LPAR1: variants seen among roughly 807,000 people sequenced by gnomAD.
LPAR1 encodes the protein lysophosphatidic acid receptor 1.
Under a neutral mutation model 23.8 loss-of-function variants are expected in LPAR1, and 5 were observed. That is an observed-to-expected ratio of 0.21 (90% confidence interval 0.11 to 0.44). LPAR1 has a LOEUF of 0.44. Among genes scored for constraint, LPAR1 ranks in the 20% least tolerant of loss-of-function variants. The pLI, the probability that LPAR1 is intolerant of heterozygous loss-of-function variation, is 0.99. For synonymous variants in LPAR1, 160 were observed against 164.7 expected, an observed-to-expected ratio of 0.97 and a Z score of 0.22; for missense variants, 311 against 482.8, an observed-to-expected ratio of 0.64 and a Z score of 3.33.
At chr9:110,936,940 C>T (rs923964370) in intron 5 of LPAR1, among the ~76,000 whole-genome samples, 1 of 152,146 alleles carries the variant, frequency 6.6e-6, no homozygotes, top group Non-Finnish European at 1.5e-5. Context: ...GCCACTCTGA[C>T]TCAATAGTGG....
intron 4 of LPAR1, among the ~76,000 whole-genome samples, chr9:110,968,024 C>T (rs1030707005): frequency 2.0e-5 from 3 of 152,114 alleles, no homozygotes; most frequent in African/African-American, 7.2e-5. Flanking sequence ...ATGCAACTAC[C>T]CTGGTTAAGG....
Position 110,875,527 on chromosome 9 carries a change from C to A in LPAR1, c.989G>T (p.Arg330Leu). Residue 330 changes from arginine to leucine, a missense_variant, in exon 6 of 6, where the codon CGC becomes CTC. This residue lies in a region of LPAR1 where 250 missense variants were observed against 427.2 expected (regional missense o/e 0.59). Coordinates refer to ENST00000683809, the MANE Select transcript of LPAR1 (RefSeq NM_001351411.2). ...TGTGGGGCCGGTGGGGTTCTCACTGCGCTGGCAGCAGAGGATCTGCCTAAA... is the reference window on the plus strand; with the variant it reads ...TGTGGGGCCGGTGGGGTTCTCACTGAGCTGGCAGCAGAGGATCTGCCTAAA... ...ATFRQILCCQ[R>L]SENPTGPTEG... 3 of 1,614,090 alleles carry A rather than the reference C, an allele frequency of 1.9e-6. No homozygotes were observed. Among genetic ancestry groups the A allele is most frequent in the Non-Finnish European group, 2.5e-6 (3 of 1,179,996 alleles).
chr9:110,880,332 C>T (rs186554019), intron 5 of LPAR1, among the ~76,000 whole-genome samples: 3 of 152,250 alleles, frequency 2.0e-5, no homozygotes, highest in East Asian at 3.9e-4. Flanking sequence ...AGCTGCAGAT[C>T]GAGATCATAT....
chr9:110,902,166 C>T (rs938486407), intron 5 of LPAR1, among the ~76,000 whole-genome samples: 3 of 151,998 alleles, frequency 2.0e-5, no homozygotes, highest in Admixed American at 6.6e-5. Flanking sequence ...GTAGCCAGCC[C>T]AAATAGGCTC....
intron 4 of LPAR1, among the ~76,000 whole-genome samples, chr9:110,952,659 G>A (rs1209988827): frequency 1.3e-5 from 2 of 152,146 alleles, no homozygotes; most frequent in African/African-American, 4.8e-5. Context: ...GCTGAAGCAT[G>A]TGCTCTCCAA....
At chr9:110,977,821 CGGGAGGGAGGGA>C (rs1339454172) in intron 2 of LPAR1, among the ~76,000 whole-genome samples, 1 of 90,458 alleles carries the variant, frequency 1.1e-5, no homozygotes, top group Admixed American at 1.1e-4. Flanking sequence ...GGAGGGAGGG[CGGGAGGGAGGGA>C]GGGAAGGAAG....
chr9:111,009,967 A>G (rs1333420904), intron 2 of LPAR1, among the ~76,000 whole-genome samples: 2 of 138,518 alleles, frequency 1.4e-5, no homozygotes, highest in African/African-American at 5.2e-5. Context: ...TACACTTTAC[A>G]TATTTTCATT....
chr9:110,972,314 A>C, intron 3 of LPAR1, 94 bp from the exon 4 acceptor site: 1 of 575,200 alleles, frequency 1.7e-6, no homozygotes, highest in Non-Finnish European at 3.1e-6. Context: ...ATCCCTAGAC[A>C]TCAAGTGTCA....
chr9:110,999,195 A>G (rs1024301709), intron 2 of LPAR1, among the ~76,000 whole-genome samples: 4 of 152,332 alleles, frequency 2.6e-5, no homozygotes, highest in African/African-American at 7.2e-5. Flanking sequence ...CAGTCAAAAT[A>G]CAAATGAAGA....
intron 2 of LPAR1, among the ~76,000 whole-genome samples, chr9:111,015,737 T>C (rs1344633586): frequency 1.3e-5 from 2 of 152,092 alleles, no homozygotes; most frequent in Non-Finnish European, 2.9e-5. Context: ...TATAGGTCAG[T>C]GAAATGGAGG....
intron 2 of LPAR1, among the ~76,000 whole-genome samples, chr9:110,993,197 C>A (rs1388837912): frequency 6.6e-6 from 1 of 151,944 alleles, no homozygotes; most frequent in Non-Finnish European, 1.5e-5. Flanking sequence ...CATAGGTATA[C>A]ATGTGCTATG....
chr9:110,979,300 TAA>T (rs896498214), intron 2 of LPAR1, among the ~76,000 whole-genome samples: 2 of 142,032 alleles, frequency 1.4e-5, no homozygotes. Flanking sequence ...AATGTAGAGT[TAA>T]AAAAAAAAAA....
At chr9:110,911,123 C>T (rs922424023) in intron 5 of LPAR1, among the ~76,000 whole-genome samples, 5 of 152,130 alleles carry the variant, frequency 3.3e-5, no homozygotes, top group Non-Finnish European at 1.5e-5. Flanking sequence ...AAGGAAGAAT[C>T]GATCAACGTG....
intron 2 of LPAR1, among the ~76,000 whole-genome samples, chr9:110,990,674 T>A (rs181635387): frequency 6.6e-6 from 1 of 152,102 alleles, no homozygotes; most frequent in Non-Finnish European, 1.5e-5. Context: ...AATGACCTCA[T>A]CTTTTACCAT....
chr9:110,899,487 G>A (rs2087829734), intron 5 of LPAR1, among the ~76,000 whole-genome samples: 1 of 152,136 alleles, frequency 6.6e-6, no homozygotes, highest in Non-Finnish European at 1.5e-5. Context: ...AACTGAAGCT[G>A]GGAAGAAAGG....
chr9:110,915,611 A>T (rs536220282), intron 5 of LPAR1, among the ~76,000 whole-genome samples: 3 of 152,312 alleles, frequency 2.0e-5, no homozygotes, highest in Admixed American at 2.0e-4. Context: ...ATCTGTGAAC[A>T]TATTATTCAA....
At chr9:110,906,364 G>A (rs908176356) in intron 5 of LPAR1, among the ~76,000 whole-genome samples, 53 of 152,076 alleles carry the variant, frequency 3.5e-4, no homozygotes, top group African/African-American at 1.2e-3. Context: ...GTTGACACTG[G>A]TGATGTTTTT....
chr9:111,011,237 T>C (rs552231750), intron 2 of LPAR1, among the ~76,000 whole-genome samples: 33 of 152,320 alleles, frequency 2.2e-4, no homozygotes, highest in African/African-American at 7.7e-4. Flanking sequence ...GTCTTAAAGC[T>C]ATTTTAAGTA....
Position 111,038,122 on chromosome 9 carries a change from G to A in LPAR1, c.-262+45C>T, listed in dbSNP as rs2097931131. 6.6e-6 allele frequency: 1 copy of A among 151,148 alleles called. No individual in the cohort carries two copies. Among genetic ancestry groups the A allele is most frequent in the African/African-American group, 2.4e-5 (1 of 41,284 alleles). The allele number at this position is 151,148 out of a possible 1,614,324, so 9.4% of individuals were successfully genotyped here. On this transcript the variant is annotated intron_variant, in intron 1 of 5. Transcript: ENST00000683809. This position sits in a 1 kb window ranked among gnomAD's most constrained non-coding sequence, Gnocchi z 4.4. ...AGCAGTCGCCGCGGCCTCTGGCTTC[G>A]CGCCCAGGGGGCGCCGTCCCCACAC...
Sources: allele counts gnomAD v4.1 joint callset (sites outside exome capture counted in the v4.1 genomes callset), GRCh38; gene constraint gnomAD v4.1.1; regional missense constraint gnomAD v4.1.1; non-coding constraint Gnocchi (gnomAD v3.1); transcripts MANE v1.5; gene names NCBI Gene and HGNC (gene_info 2026-07-23, HGNC 2026-07-21).